PI4KA: variants seen among roughly 807,000 people sequenced by gnomAD.
The protein encoded by PI4KA is PI4-kinase alpha.
In PI4KA, 122 loss-of-function variants were observed where a neutral mutation model predicts 271.4. The ratio of observed to expected loss-of-function variants is 0.45; its 90% CI spans 0.39 to 0.52. PI4KA has a LOEUF of 0.52. Ranked by LOEUF, PI4KA falls within the 20% of genes least tolerant of loss-of-function variation. The pLI is 0.00. For synonymous variants in PI4KA, 1,041 were observed against 1,078.8 expected, an observed-to-expected ratio of 0.96 and a Z score of 0.69; for missense variants, 1,969 against 2,769.1, an observed-to-expected ratio of 0.71 and a Z score of 6.48.
intron 3 of PI4KA, among the ~76,000 whole-genome samples, chr22:20,834,115 A>G (rs1924563934): frequency 6.6e-6 from 1 of 152,088 alleles, no homozygotes; most frequent in South Asian, 2.1e-4. Context: ...TGATGAAACT[A>G]TTTACAGTGA....
chr22:20,727,464 C>T lies in PI4KA; in HGVS notation c.4774-67G>A, dbSNP rs539040947. On this transcript the variant is annotated intron_variant, in intron 40 of 54. Transcript: ENST00000255882. ...GGGACCTCTGGAAATACCTGGTCCA[C>T]GGGCCACACAAGGACGGCCATGAGA... 34 of 1,407,976 alleles carry T rather than the reference C, an allele frequency of 2.4e-5. 1 individual carries two copies. The African/African-American group carries it at 3.3e-4, about 14-fold the overall frequency. The allele number at this position is 1,407,976 out of a possible 1,614,324, so 87.2% of individuals were successfully genotyped here. A position where few individuals can be genotyped will look rare whatever the true frequency, so the allele number is the denominator to read the frequency against.
At chr22:20,821,267 G>A (rs1922620090) in intron 4 of PI4KA, among the ~76,000 whole-genome samples, 1 of 152,158 alleles carries the variant, frequency 6.6e-6, no homozygotes, top group Admixed American at 6.5e-5. Context: ...TGCCCAGGCT[G>A]GAGTGCAGTG....
At position 20,796,112 on chromosome 22, in the gene PI4KA, C is replaced by CT. The variant is rs781780330; in HGVS notation, c.2277+33dup. The CT allele has an allele frequency of 1.4e-5, 23 of 1,594,056 alleles. No homozygotes were observed. In the South Asian group the frequency reaches 2.5e-4, roughly 18 times the overall value. On this transcript the variant is annotated intron_variant, in intron 18 of 54. Coordinates refer to ENST00000255882, the MANE Select transcript of PI4KA (RefSeq NM_058004.4). Reference sequence around the variant, plus strand: ...AGCCTTGGCCAGCAGGGATAGGACACTGATGGGGAAGGCATAGCCATCCTC... The same window carrying CT: ...AGCCTTGGCCAGCAGGGATAGGACACTTGATGGGGAAGGCATAGCCATCCTC...
intron 23 of PI4KA, among the ~76,000 whole-genome samples, chr22:20,760,282 AATT>A (rs1230795944): frequency 6.6e-6 from 1 of 152,218 alleles, no homozygotes; most frequent in Non-Finnish European, 1.5e-5. Flanking sequence ...AAAATTATCA[AATT>A]ATTCTAAGCA....
At chr22:20,799,607 G>T in intron 15 of PI4KA, 64 bp downstream of exon 15, 3 of 1,101,050 alleles carry the variant, frequency 2.7e-6, no homozygotes, top group South Asian at 1.3e-5. Flanking sequence ...CACAATGCCA[G>T]GTGCCCCACA....
intron 7 of PI4KA, among the ~76,000 whole-genome samples, chr22:20,817,326 T>A (rs1389658110): frequency 6.6e-6 from 1 of 152,192 alleles, no homozygotes; most frequent in Non-Finnish European, 1.5e-5. Context: ...GGGTCTTACT[T>A]CCATCAAGTA....
At position 20,765,711 on chromosome 22, in the gene PI4KA, GA is replaced by G; in HGVS notation, c.2329-19del. The G allele has an allele frequency of 6.5e-7, 1 of 1,536,126 alleles. No homozygotes were observed. Among genetic ancestry groups the G allele is most frequent in the Non-Finnish European group, 9.0e-7 (1 of 1,109,558 alleles). ...CGGGTGAGCTGATGTGCCAAGAAGA[GA>G]GGGAGAAAGGAGGTTATTTGCTGAG... On this transcript the variant is annotated intron_variant, in intron 19 of 54. Transcript: ENST00000255882.
At chr22:20,798,815 T>C (rs1935126897) in intron 16 of PI4KA, 128 bp from the exon 17 acceptor site, 2 of 699,232 alleles carry the variant, frequency 2.9e-6, no homozygotes, top group South Asian at 1.7e-5. Flanking sequence ...CCAAAGATCA[T>C]CCATTTCTAA....
intron 3 of PI4KA, among the ~76,000 whole-genome samples, chr22:20,828,658 G>A (rs1221007750): frequency 4.6e-5 from 7 of 151,938 alleles, no homozygotes; most frequent in Admixed American, 3.3e-4. Context: ...GGGTTCAAGC[G>A]ATTCTCCTGC....
intron 29 of PI4KA, 117 bp downstream of exon 29, chr22:20,747,466 G>T: frequency 9.4e-7 from 1 of 1,066,316 alleles, no homozygotes; most frequent in Non-Finnish European, 1.4e-6. Flanking sequence ...GACATCCACA[G>T]CACCCTGCAT....
intron 23 of PI4KA, among the ~76,000 whole-genome samples, chr22:20,757,335 T>C (rs1931417934): frequency 2.0e-5 from 3 of 151,942 alleles, no homozygotes; most frequent in African/African-American, 4.8e-5. Flanking sequence ...TGTGGAAGAG[T>C]ACAATGTACT....
At chr22:20,850,689 G>A (rs1002471205) in intron 1 of PI4KA, among the ~76,000 whole-genome samples, 5 of 151,722 alleles carry the variant, frequency 3.3e-5, no homozygotes, top group Admixed American at 6.6e-5. Flanking sequence ...CGCCCGCCTC[G>A]GCCTCCCAAA....
rs1568948361 is a variant in PI4KA, at chr22:20,716,560, C to T, written c.5317+1148G>A. Among the ~76,000 whole-genome samples, 5 of 152,300 alleles carry T rather than the reference C, an allele frequency of 3.3e-5. No homozygotes were observed. The South Asian group carries it at 1.0e-3, about 32-fold the overall frequency. The stretch of plus-strand genomic sequence containing the variant: ...CCATCTCCTCCTCTTCCTCACCTGC[C>T]CTTCTTCCTGCTCCAGGCTGTGGCT... On this transcript the variant is annotated intron_variant, in intron 45 of 54. Transcript: ENST00000255882.
intron 19 of PI4KA, among the ~76,000 whole-genome samples, chr22:20,776,732 G>A (rs1004246134): frequency 1.3e-5 from 2 of 152,092 alleles, no homozygotes; most frequent in African/African-American, 2.4e-5. Flanking sequence ...TGACAGTGAC[G>A]AAAGGCTCAG....
At chr22:20,798,494 G>T in intron 17 of PI4KA, 90 bp downstream of exon 17, 1 of 868,414 alleles carries the variant, frequency 1.2e-6, no homozygotes, top group Non-Finnish European at 2.0e-6. Flanking sequence ...TGCAAGAAGA[G>T]TTTATTTAAG....
Position 20,747,524 on chromosome 22 carries a change from C to T in PI4KA, c.3363+59G>A, listed in dbSNP as rs1046404120. The T allele has an allele frequency of 1.8e-5, 28 of 1,589,454 alleles. No individual in the cohort carries two copies. In the Admixed American group the frequency reaches 1.9e-4, roughly 11 times the overall value. ...GCGACAGCCGAGCTCTAAGCCTTCC[C>T]CTGCACTGTGGCTCCTATGGTCTAA... On this transcript the variant is annotated intron_variant, in intron 29 of 54. Coordinates refer to ENST00000255882, the MANE Select transcript of PI4KA (RefSeq NM_058004.4).
Position 20,810,976 on chromosome 22 carries a change from A to G in PI4KA, c.1062T>C (p.Ser354=), listed in dbSNP as rs560279326. 90 of 1,612,794 alleles carry G rather than the reference A, an allele frequency of 5.6e-5. 1 individual carries two copies. In the South Asian group the frequency reaches 8.9e-4, roughly 16 times the overall value. ...CTCAGAAGCGACATACCTCCATCAC[A>G]CTGGCTACAATGGCATCCAAAGATT... ...VLKSLDAIVA[S]VMEANPSADL... Residue 354 remains serine, a synonymous_variant, in exon 9 of 55, where the codon AGT becomes AGC. Transcript: ENST00000255882.
intron 45 of PI4KA, among the ~76,000 whole-genome samples, chr22:20,715,835 C>A (rs1358555261): frequency 6.6e-6 from 1 of 152,152 alleles, no homozygotes; most frequent in East Asian, 1.9e-4. Context: ...AGCTCAGGGA[C>A]CATGTCTTAC....
intron 18 of PI4KA, among the ~76,000 whole-genome samples, chr22:20,795,831 G>A (rs1934950529): frequency 1.3e-5 from 2 of 152,248 alleles, no homozygotes; most frequent in East Asian, 3.9e-4. Flanking sequence ...CCACCCCTGG[G>A]CTTCATGATA....
Sources: allele counts gnomAD v4.1 joint callset (sites outside exome capture counted in the v4.1 genomes callset), GRCh38; gene constraint gnomAD v4.1.1; transcripts MANE v1.5; gene names NCBI Gene and HGNC (gene_info 2026-07-23, HGNC 2026-07-21).